Variants in CCDC63 observed in about 807,000 individuals in gnomAD.
CCDC63 encodes coiled-coil domain-containing protein 63.
CCDC63 carries 54 observed loss-of-function variants against 63.6 expected under a neutral mutation model. That is an observed-to-expected ratio of 0.85 (90% confidence interval 0.68 to 1.07). The LOEUF is 1.07. Ranked by LOEUF, CCDC63 falls within the 50% of genes least tolerant of loss-of-function variation. The pLI is 0.00. For synonymous variants in CCDC63, 253 were observed against 266.1 expected (o/e 0.95, Z 0.48); for missense variants, 637 against 689.6 (o/e 0.92, Z 0.86).
At chr12:110,868,132 T>G (rs1377048189) in intron 4 of CCDC63, among the ~76,000 whole-genome samples, 2 of 123,478 alleles carry the variant, frequency 1.6e-5, no homozygotes, top group Non-Finnish European at 3.4e-5. Context: ...TTTCAGACGA[T>G]GGGCGGCCGG....
chr12:110,892,834 A>G (rs1267406680), intron 8 of CCDC63, among the ~76,000 whole-genome samples: 2 of 151,930 alleles, frequency 1.3e-5, no homozygotes, highest in Non-Finnish European at 2.9e-5. Context: ...AAAAAGATAA[A>G]GAAAGAAAGG....
intron 4 of CCDC63, among the ~76,000 whole-genome samples, chr12:110,870,084 T>C (rs1053210318): frequency 7.2e-5 from 11 of 152,202 alleles, no homozygotes; most frequent in Admixed American, 5.9e-4. Flanking sequence ...CAGTTTTTAT[T>C]GGAGCTTCTT....
At chr12:110,862,205 A>G (rs2070862982) in intron 4 of CCDC63, among the ~76,000 whole-genome samples, 1 of 152,204 alleles carries the variant, frequency 6.6e-6, no homozygotes, top group Non-Finnish European at 1.5e-5. Flanking sequence ...AGCATTAGGA[A>G]GAGGCAACAC....
rs566188619 is a variant in CCDC63, at chr12:110,856,683, A to G, written c.180-1903A>G. On this transcript the variant is annotated intron_variant, in intron 3 of 11. Transcript: ENST00000308208. ...GGGCCCCTCAGAGAACATTTTCATC[A>G]CTGCAGAACGTCCTATTAGAATGGG... Among the ~76,000 whole-genome samples the G allele has an allele frequency of 2.7e-3, 411 of 152,136 alleles. 1 individual carries two copies. Among genetic ancestry groups the G allele is most frequent in the African/African-American group, 9.7e-3 (404 of 41,486 alleles).
At chr12:110,858,352 T>C (rs909473733) in intron 3 of CCDC63, among the ~76,000 whole-genome samples, 3 of 152,026 alleles carry the variant, frequency 2.0e-5, no homozygotes, top group Non-Finnish European at 4.4e-5. Context: ...AATTGTTACC[T>C]AGAGAAAATA....
intron 8 of CCDC63, among the ~76,000 whole-genome samples, chr12:110,884,905 G>A (rs2071259478): frequency 6.8e-6 from 1 of 147,282 alleles, no homozygotes; most frequent in Admixed American, 6.9e-5. Flanking sequence ...CATCATGTTG[G>A]CCAGGCTTGT....
chr12:110,894,884 G>T (rs1366159206), intron 9 of CCDC63, among the ~76,000 whole-genome samples: 1 of 152,154 alleles, frequency 6.6e-6, no homozygotes, highest in East Asian at 1.9e-4. Flanking sequence ...CTTTTCAAAT[G>T]CAGATACTCT....
intron 4 of CCDC63, among the ~76,000 whole-genome samples, chr12:110,862,913 G>T (rs1403248237): frequency 6.6e-6 from 1 of 151,924 alleles, no homozygotes; most frequent in Non-Finnish European, 1.5e-5. Flanking sequence ...CCGCCACCAT[G>T]CCTGGTTAAT....
At chr12:110,853,047 A>C (rs2070725709) in intron 2 of CCDC63, 84 bp downstream of exon 2, 9 of 1,444,262 alleles carry the variant, frequency 6.2e-6, no homozygotes, top group Non-Finnish European at 8.7e-6. Flanking sequence ...AGCTCGTCTC[A>C]TCCTGACAAA....
At chr12:110,851,294 T>C (rs2070702332) in intron 1 of CCDC63, among the ~76,000 whole-genome samples, 1 of 152,226 alleles carries the variant, frequency 6.6e-6, no homozygotes. Context: ...AGATTCAGTC[T>C]GTCTTCATTT....
chr12:110,852,885 A>T lies in CCDC63; in HGVS notation c.-70A>T. Reference sequence around the variant, plus strand: ...GCATTGCAGAGAGACAGAGAGAGAGAGGAAGGCTCACTGGCTTTGAGCTCT... The same window carrying T: ...GCATTGCAGAGAGACAGAGAGAGAGTGGAAGGCTCACTGGCTTTGAGCTCT... On this transcript the variant is annotated 5_prime_UTR_variant, in exon 2 of 12. Coordinates refer to ENST00000308208, the MANE Select transcript of CCDC63 (RefSeq NM_152591.3). 1 of 1,612,042 alleles carries T rather than the reference A, an allele frequency of 6.2e-7. No individual in the cohort carries two copies. The highest frequency in any genetic ancestry group is 8.5e-7 in the Non-Finnish European group (1 of 1,178,214).
intron 3 of CCDC63, among the ~76,000 whole-genome samples, chr12:110,857,996 C>T (rs570911639): frequency 6.6e-6 from 1 of 152,152 alleles, no homozygotes; most frequent in East Asian, 1.9e-4. Context: ...GTCCCAGCTA[C>T]TCAGGAGGCT....
At chr12:110,866,555 C>CT (rs1206288101) in intron 4 of CCDC63, among the ~76,000 whole-genome samples, 1 of 145,266 alleles carries the variant, frequency 6.9e-6, no homozygotes. Flanking sequence ...ATCTGTTTAA[C>CT]AAAGCACATC....
intron 1 of CCDC63, among the ~76,000 whole-genome samples, chr12:110,849,834 T>C (rs1349987647): frequency 1.3e-5 from 2 of 152,144 alleles, no homozygotes; most frequent in East Asian, 1.9e-4. Flanking sequence ...GAATGGAATA[T>C]ACTTCTCCTT....
intron 7 of CCDC63, among the ~76,000 whole-genome samples, chr12:110,881,814 A>G (rs2071212968): frequency 6.6e-6 from 1 of 152,236 alleles, no homozygotes; most frequent in Non-Finnish European, 1.5e-5. Context: ...CATACTTATG[A>G]TAAAACTTTT....
chr12:110,894,922 C>G (rs572418884), intron 9 of CCDC63, among the ~76,000 whole-genome samples: 6 of 152,224 alleles, frequency 3.9e-5, no homozygotes, highest in African/African-American at 1.4e-4. Flanking sequence ...TTGTTTGTTT[C>G]TTTGTTTGTT....
intron 3 of CCDC63, among the ~76,000 whole-genome samples, chr12:110,857,478 C>G (rs1364600377): frequency 6.6e-6 from 1 of 152,194 alleles, no homozygotes; most frequent in Non-Finnish European, 1.5e-5. Flanking sequence ...TTTGAAGCAT[C>G]TGGACACTCG....
Position 110,861,075 on chromosome 12 carries a change from C to T in CCDC63, c.369+2300C>T, listed in dbSNP as rs114422203. 8.6e-3 allele frequency among the ~76,000 whole-genome samples: 1,315 copies of T among 152,198 alleles called. 20 individuals are homozygous for T. The highest frequency in any genetic ancestry group is 0.03 in the African/African-American group (1,235 of 41,500). ...GAAGAGAGAGACGGGGGAGGCGCCA[C>T]ACACTTTTAAACAACCAGATCTCAT... On this transcript the variant is annotated intron_variant, in intron 4 of 11. Coordinates refer to ENST00000308208, the MANE Select transcript of CCDC63 (RefSeq NM_152591.3).
At chr12:110,887,557 T>A (rs1387941318) in intron 8 of CCDC63, among the ~76,000 whole-genome samples, 1 of 152,060 alleles carries the variant, frequency 6.6e-6, no homozygotes, top group Admixed American at 6.6e-5. Context: ...GGATGGGCCA[T>A]GGGAGGGGGC....
Sources: gnomAD v4.1 joint callset for allele counts (sites outside exome capture counted in the v4.1 genomes callset) on GRCh38, gnomAD v4.1.1 for gene constraint, MANE v1.5 for transcripts, NCBI Gene and HGNC (gene_info 2026-07-23, HGNC 2026-07-21) for gene names.